The following GNG2 variants were observed in gnomAD, a reference collection of about 807,000 sequenced individuals.
GNG2 encodes guanine nucleotide-binding protein G(I)/G(S)/G(O) subunit gamma-2.
GNG2 carries 5 observed loss-of-function variants against 5.5 expected under a neutral mutation model. That is an observed-to-expected ratio of 0.91 (90% confidence interval 0.48 to 1.92). The LOEUF is 1.92. GNG2 is among the 30% of genes most tolerant of loss of function. GNG2 has a pLI of 0.01. For synonymous variants in GNG2, 28 were observed against 32.0 expected, an observed-to-expected ratio of 0.88 and a Z score of 0.42; for missense variants, 55 against 88.4, an observed-to-expected ratio of 0.62 and a Z score of 1.52.
chr14:51,877,356 A>T (rs1883746947), intron 1 of GNG2, among the ~76,000 whole-genome samples: 1 of 152,058 alleles, frequency 6.6e-6, no homozygotes, highest in South Asian at 2.1e-4. Context: ...TTGTGTTTTC[A>T]TGTTTTCTTG....
In GNG2 at chr14:51,969,203, T is replaced by G. The variant is rs922604009; in HGVS notation, c.*2516T>G. 1 of 152,202 alleles carries G rather than the reference T, an allele frequency of 6.6e-6. No homozygotes were observed. The highest frequency in any genetic ancestry group is 6.5e-5 in the Admixed American group (1 of 15,276). 9.4% of individuals were successfully genotyped at this position (152,202 alleles called of 1,614,324 possible). On this transcript the variant is annotated 3_prime_UTR_variant, in exon 4 of 4. Coordinates refer to ENST00000556766, the MANE Select transcript of GNG2 (RefSeq NM_053064.5). ...AAGGCCCTAGTTTCTACATATAATA[T>G]ATTCGATAGAAATGAAAATCTGCCG...
intron 1 of GNG2, among the ~76,000 whole-genome samples, chr14:51,870,179 G>A (rs575040985): frequency 7.3e-5 from 11 of 151,710 alleles, no homozygotes; most frequent in Middle Eastern, 3.4e-3. Flanking sequence ...AGAAAAACAC[G>A]AACAAAAGCC....
intron 2 of GNG2, among the ~76,000 whole-genome samples, chr14:51,914,507 C>T (rs906394575): frequency 2.6e-5 from 4 of 152,178 alleles, no homozygotes; most frequent in Admixed American, 2.6e-4. Flanking sequence ...GTAGAATTAC[C>T]TAATAGTAAT....
chr14:51,828,659 G>T (rs1881098699), intron 2 of GNG2, among the ~76,000 whole-genome samples: 2 of 152,152 alleles, frequency 1.3e-5, no homozygotes, highest in Non-Finnish European at 2.9e-5. Context: ...ACGGCCACAA[G>T]ATGTAGCTTA....
At chr14:51,858,130 G>A (rs1292544222), upstream of GNG2, among the ~76,000 whole-genome samples, 2 of 152,162 alleles carry the variant, frequency 1.3e-5, no homozygotes, top group African/African-American at 2.4e-5. Context: ...TATTAATGGC[G>A]AGATGTCATT....
chr14:51,906,845 T>G (rs1034067124), intron 2 of GNG2, among the ~76,000 whole-genome samples: 1 of 140,766 alleles, frequency 7.1e-6, no homozygotes, highest in Non-Finnish European at 1.5e-5. Context: ...AAGCTCCGCC[T>G]CCAGAGTTCA....
chr14:51,915,257 G>T (rs1013581442), intron 2 of GNG2, among the ~76,000 whole-genome samples: 2 of 152,178 alleles, frequency 1.3e-5, no homozygotes, highest in African/African-American at 4.8e-5. Context: ...CAGTTTACTG[G>T]TTCATAGATA....
intron 1 of GNG2, among the ~76,000 whole-genome samples, chr14:51,875,359 A>C (rs889155778): frequency 6.6e-6 from 1 of 152,244 alleles, no homozygotes; most frequent in African/African-American, 2.4e-5. Flanking sequence ...TTGATGCTGT[A>C]CCATTGAATT....
intron 2 of GNG2, among the ~76,000 whole-genome samples, chr14:51,885,870 G>A (rs1884428774): frequency 6.6e-6 from 1 of 152,098 alleles, no homozygotes; most frequent in South Asian, 2.1e-4. Flanking sequence ...TTCCTTAATG[G>A]ACTTATGTCT....
intron 2 of GNG2, among the ~76,000 whole-genome samples, chr14:51,890,436 G>A (rs577502641): frequency 3.3e-5 from 5 of 152,288 alleles, no homozygotes; most frequent in African/African-American, 1.2e-4. Context: ...CAGGGTAAAA[G>A]TAAAACCAAT....
At chr14:51,866,156 C>T (rs1296152328) in intron 1 of GNG2, among the ~76,000 whole-genome samples, 1 of 152,298 alleles carries the variant, frequency 6.6e-6, no homozygotes, top group South Asian at 2.1e-4. Context: ...CCTTCCCTTG[C>T]TCCCTGGCCA....
At chr14:51,957,577 A>C (rs1303743794) in intron 3 of GNG2, among the ~76,000 whole-genome samples, 1 of 152,228 alleles carries the variant, frequency 6.6e-6, no homozygotes, top group African/African-American at 2.4e-5. Flanking sequence ...GTTTTCTACA[A>C]GTAAGGACAT....
At chr14:51,950,986 CA>C (rs199953581) in intron 3 of GNG2, among the ~76,000 whole-genome samples, 9 of 148,890 alleles carry the variant, frequency 6.0e-5, no homozygotes, top group Middle Eastern at 3.4e-3. Context: ...CAACACAACA[CA>C]AAAAAAAAAG....
At position 51,887,987 on chromosome 14, in the gene GNG2, TAGC is replaced by T. The variant is rs761150720; in HGVS notation, c.-30+10334_-30+10336del. 3.9e-5 allele frequency among the ~76,000 whole-genome samples: 6 copies of T among 152,188 alleles called. 1 individual carries two copies. The highest frequency in any genetic ancestry group is 8.8e-5 in the Non-Finnish European group (6 of 68,026). On this transcript the variant is annotated intron_variant, in intron 2 of 3. Transcript: ENST00000556766. ...TATGCTCCTTTAAAAAATTATTTCT[TAGC>T]AGCTTTATTTAGGTATAGTTGATAT...
chr14:51,965,851 T>C (rs1367178289), intron 3 of GNG2, among the ~76,000 whole-genome samples: 1 of 151,884 alleles, frequency 6.6e-6, no homozygotes, highest in Non-Finnish European at 1.5e-5. Context: ...TTACAGGGAT[T>C]TTTTCATTTA....
chr14:51,966,909 G>A lies in GNG2; in HGVS notation c.*222G>A, dbSNP rs926918143. ...TCTGATTCTGACGAACTGCCTGGAG[G>A]AGGGGAATATATAAAAATAAAATTG... On this transcript the variant is annotated 3_prime_UTR_variant, in exon 4 of 4. Transcript: ENST00000556766. 1 of 309,882 alleles carries A rather than the reference G, an allele frequency of 3.2e-6. No homozygotes were observed. Among genetic ancestry groups the A allele is most frequent in the Non-Finnish European group, 6.0e-6 (1 of 167,502 alleles). 19.2% of individuals were successfully genotyped at this position (309,882 alleles called of 1,614,324 possible).
At chr14:51,897,879 A>G (rs1885303753) in intron 2 of GNG2, among the ~76,000 whole-genome samples, 1 of 152,218 alleles carries the variant, frequency 6.6e-6, no homozygotes, top group Admixed American at 6.5e-5. Flanking sequence ...AAATATCTGC[A>G]TAGTACTAAC....
chr14:51,944,408 A>C (rs1325736640), intron 2 of GNG2, among the ~76,000 whole-genome samples: 1 of 152,172 alleles, frequency 6.6e-6, no homozygotes, highest in African/African-American at 2.4e-5. Flanking sequence ...TTTTTATAAG[A>C]GTACTAATAT....
chr14:51,898,538 A>G (rs1359284600), intron 2 of GNG2, among the ~76,000 whole-genome samples: 2 of 152,266 alleles, frequency 1.3e-5, no homozygotes, highest in African/African-American at 4.8e-5. Flanking sequence ...AAAGAAAGAA[A>G]GAGGAAACTG....
Sources: allele counts gnomAD v4.1 joint callset (sites outside exome capture counted in the v4.1 genomes callset), GRCh38; gene constraint gnomAD v4.1.1; transcripts MANE v1.5; gene names NCBI Gene and HGNC (gene_info 2026-07-23, HGNC 2026-07-21).